DIS3L2: variants seen among roughly 807,000 people sequenced by gnomAD.
DIS3L2 encodes DIS3 like 3'-5' exoribonuclease 2, also known as DIS3-like exonuclease 2.
In DIS3L2, 34 loss-of-function variants were observed where a neutral mutation model predicts 97.5. The observed-to-expected ratio is 0.35, with a 90% CI of 0.27 to 0.46. The LOEUF is 0.46. Among genes scored for constraint, DIS3L2 ranks in the 20% least tolerant of loss-of-function variants. The pLI, the probability that DIS3L2 is intolerant of heterozygous loss-of-function variation, is 1.00. For synonymous variants in DIS3L2, 435 were observed against 445.2 expected, an observed-to-expected ratio of 0.98 and a Z score of 0.29; for missense variants, 1,038 against 1,146.0, an observed-to-expected ratio of 0.91 and a Z score of 1.36.
intron 5 of DIS3L2, among the ~76,000 whole-genome samples, chr2:232,045,408 A>G (rs1275348629): frequency 6.6e-6 from 1 of 152,178 alleles, no homozygotes; most frequent in Non-Finnish European, 1.5e-5. Flanking sequence ...GTAACAAAAC[A>G]CCTGAAACTG....
intron 8 of DIS3L2, among the ~76,000 whole-genome samples, chr2:232,144,339 C>G (rs1474490394): frequency 6.6e-6 from 1 of 152,066 alleles, no homozygotes; most frequent in Non-Finnish European, 1.5e-5. Flanking sequence ...TTTTGCCAGC[C>G]AGGTGGGTAA....
intron 1 of DIS3L2, among the ~76,000 whole-genome samples, chr2:232,013,204 C>T (rs1694259626): frequency 6.6e-6 from 1 of 152,174 alleles, no homozygotes; most frequent in Non-Finnish European, 1.5e-5. Flanking sequence ...CCTGTCTGTC[C>T]TGATTTTCTC....
intron 15 of DIS3L2, 30 bp from the exon 16 acceptor site, chr2:232,330,660 G>GT: frequency 6.2e-7 from 1 of 1,612,524 alleles, no homozygotes; most frequent in Non-Finnish European, 8.5e-7. Context: ...TGGACCACAC[G>GT]TCACATAGGT....
chr2:232,130,374 A>G (rs1698182045), intron 6 of DIS3L2, among the ~76,000 whole-genome samples: 1 of 152,140 alleles, frequency 6.6e-6, no homozygotes, highest in Non-Finnish European at 1.5e-5. Context: ...CTCCAGTTGT[A>G]TGATATTTAT....
chr2:232,336,296 C>G (rs1695944303), intron 20 of DIS3L2, 173 bp from the exon 21 acceptor site: 1 of 1,547,270 alleles, frequency 6.5e-7, no homozygotes, highest in African/African-American at 1.4e-5. Context: ...CTCCCCAACT[C>G]TGCCCTGACC....
intron 9 of DIS3L2, among the ~76,000 whole-genome samples, chr2:232,175,557 G>GT (rs957709429): frequency 6.6e-6 from 1 of 151,860 alleles, no homozygotes; most frequent in Non-Finnish European, 1.5e-5. Context: ...TTGGGGTATA[G>GT]TTTTTTTTCT....
At chr2:232,143,086 C>T (rs1490889398) in intron 8 of DIS3L2, among the ~76,000 whole-genome samples, 1 of 152,132 alleles carries the variant, frequency 6.6e-6, no homozygotes, top group East Asian at 1.9e-4. Context: ...TGATGAATGG[C>T]TGAGAACACT....
At chr2:232,162,013 C>T (rs867495935) in intron 8 of DIS3L2, among the ~76,000 whole-genome samples, 3 of 152,156 alleles carry the variant, frequency 2.0e-5, no homozygotes, top group East Asian at 1.9e-4. Context: ...CCTTGTGATC[C>T]GCCTGCCTCA....
At chr2:232,174,354 G>A (rs1559703373) in intron 9 of DIS3L2, among the ~76,000 whole-genome samples, 1 of 152,144 alleles carries the variant, frequency 6.6e-6, no homozygotes, top group African/African-American at 2.4e-5. Context: ...GGGAGGCCAA[G>A]GCTGGTGGAT....
At chr2:232,294,941 A>G (rs532387819) in intron 13 of DIS3L2, among the ~76,000 whole-genome samples, 1 of 152,150 alleles carries the variant, frequency 6.6e-6, no homozygotes, top group South Asian at 2.1e-4. Context: ...TCTTCCCATC[A>G]GCCTCTTTCC....
chr2:232,079,078 A>T (rs772230752), intron 5 of DIS3L2, among the ~76,000 whole-genome samples: 2 of 152,216 alleles, frequency 1.3e-5, no homozygotes, highest in Non-Finnish European at 2.9e-5. Flanking sequence ...CATGGAGTTT[A>T]TCAGGGAAGA....
In DIS3L2 at chr2:232,334,621, G is replaced by A. The variant is rs1409310621; in HGVS notation, c.2290-10G>A. 1 of 1,604,532 alleles carries A rather than the reference G, an allele frequency of 6.2e-7. No individual in the cohort carries two copies. Among genetic ancestry groups the A allele is most frequent in the Non-Finnish European group, 8.5e-7 (1 of 1,175,864 alleles). On this transcript the variant is annotated splice_polypyrimidine_tract_variant and intron_variant, in intron 18 of 20. Coordinates refer to ENST00000325385, the MANE Select transcript of DIS3L2 (RefSeq NM_152383.5). The stretch of plus-strand genomic sequence containing the variant: ...CAGGAGGTGCCATGGCTGCAGCACT[G>A]TCCCTGCAGGAGAGTGGCCCCCTGG...
chr2:231,985,689 A>C (rs1288710813), intron 1 of DIS3L2, among the ~76,000 whole-genome samples: 6 of 152,208 alleles, frequency 3.9e-5, no homozygotes, highest in African/African-American at 1.4e-4. Context: ...AATATAAACT[A>C]AAATTTTTCC....
At chr2:232,087,361 A>T (rs1168364996) in intron 5 of DIS3L2, 126 bp from the exon 6 acceptor site, 2 of 676,560 alleles carry the variant, frequency 3.0e-6, no homozygotes, top group Non-Finnish European at 2.5e-6. Flanking sequence ...CCTTTTTTGA[A>T]CTACATGATT....
chr2:231,965,036 A>C (rs1574768194), intron 1 of DIS3L2, among the ~76,000 whole-genome samples: 1 of 152,280 alleles, frequency 6.6e-6, no homozygotes, highest in East Asian at 1.9e-4. Flanking sequence ...AGGTCACTTG[A>C]TTTGTGACCT....
chr2:232,003,937 A>G (rs1693975794), intron 1 of DIS3L2, among the ~76,000 whole-genome samples: 1 of 152,166 alleles, frequency 6.6e-6, no homozygotes, highest in South Asian at 2.1e-4. Flanking sequence ...TTTTTAAAAC[A>G]ATTTTCCTTT....
At chr2:232,199,493 G>A (rs1691837699) in intron 9 of DIS3L2, among the ~76,000 whole-genome samples, 1 of 152,146 alleles carries the variant, frequency 6.6e-6, no homozygotes. Context: ...TGTGTGCTTG[G>A]TTTTTGTTTG....
At chr2:232,294,249 C>T (rs1016942924) in intron 13 of DIS3L2, among the ~76,000 whole-genome samples, 28 of 152,318 alleles carry the variant, frequency 1.8e-4, no homozygotes, top group Middle Eastern at 3.4e-3. Flanking sequence ...CTGTCACGTC[C>T]AGCCCTGGAG....
At chr2:232,000,613 T>TTTTCCTTTCCTTTCTTTCC (rs1693854451) in intron 1 of DIS3L2, among the ~76,000 whole-genome samples, 1 of 107,316 alleles carries the variant, frequency 9.3e-6, no homozygotes, top group Non-Finnish European at 1.8e-5. Flanking sequence ...CTTTCCTTTC[T>TTTTCCTTTCCTTTCTTTCC]TTTCCTTTCC....
Sources: allele counts gnomAD v4.1 joint callset (sites outside exome capture counted in the v4.1 genomes callset), GRCh38; gene constraint gnomAD v4.1.1; transcripts MANE v1.5; gene names NCBI Gene and HGNC (gene_info 2026-07-23, HGNC 2026-07-21).